The following TNIK variants were observed in gnomAD, a reference collection of about 807,000 sequenced individuals.
TNIK encodes TRAF2 and NCK interacting kinase, also known as TRAF2 and NCK-interacting protein kinase.
Under a neutral mutation model 191.3 loss-of-function variants are expected in TNIK, and 49 were observed. The observed-to-expected ratio is 0.26, with a 90% confidence interval of 0.20 to 0.32. The LOEUF (loss-of-function observed/expected upper bound fraction) is 0.32. Ranked by LOEUF, TNIK falls within the 10% of genes least tolerant of loss-of-function variation. The pLI, the probability that TNIK is intolerant of heterozygous loss-of-function variation, is 1.00. For synonymous variants in TNIK, 594 were observed against 600.9 expected, an observed-to-expected ratio of 0.99 and a Z score of 0.17; for missense variants, 1,155 against 1,702.3, an observed-to-expected ratio of 0.68 and a Z score of 5.66.
At chr3:171,175,049 G>A (rs1480177382) in intron 9 of TNIK, among the ~76,000 whole-genome samples, 1 of 152,120 alleles carries the variant, frequency 6.6e-6, no homozygotes, top group African/African-American at 2.4e-5. Context: ...CTTAAAGGTG[G>A]GGGAATAAAG....
At chr3:171,450,706 C>T (rs1266770142) in intron 1 of TNIK, among the ~76,000 whole-genome samples, 1 of 152,116 alleles carries the variant, frequency 6.6e-6, no homozygotes, top group African/African-American at 2.4e-5. Context: ...TCAGAAGGTG[C>T]CACAACTTAC....
At chr3:171,109,305 G>A (rs1207019904) in intron 19 of TNIK, among the ~76,000 whole-genome samples, 1 of 152,178 alleles carries the variant, frequency 6.6e-6, no homozygotes, top group Non-Finnish European at 1.5e-5. Flanking sequence ...AGGACTACAG[G>A]CGTAAGCCAC....
chr3:171,199,997 C>A (rs1469614310), intron 4 of TNIK, among the ~76,000 whole-genome samples: 1 of 152,196 alleles, frequency 6.6e-6, no homozygotes, highest in Non-Finnish European at 1.5e-5. Flanking sequence ...AGGCACTGGG[C>A]ACATTTTTCT....
intron 22 of TNIK, among the ~76,000 whole-genome samples, chr3:171,100,752 A>T: frequency 6.6e-6 from 1 of 151,802 alleles, no homozygotes; most frequent in African/African-American, 2.4e-5. Flanking sequence ...CCTTGAAAAA[A>T]AAAAAAAAAA....
intron 28 of TNIK, among the ~76,000 whole-genome samples, chr3:171,077,993 T>A (rs1720205974): frequency 6.6e-6 from 1 of 152,180 alleles, no homozygotes; most frequent in African/African-American, 2.4e-5. Flanking sequence ...TATTGTCTTT[T>A]AAGCTTCTAT....
At chr3:171,401,226 C>A (rs1720916036) in intron 1 of TNIK, among the ~76,000 whole-genome samples, 1 of 152,142 alleles carries the variant, frequency 6.6e-6, no homozygotes, top group Non-Finnish European at 1.5e-5. Flanking sequence ...ACTTTGTCTT[C>A]TGGAACCTGA....
intron 5 of TNIK, among the ~76,000 whole-genome samples, chr3:171,193,983 T>C (rs989513079): frequency 4.6e-5 from 7 of 152,190 alleles, no homozygotes; most frequent in African/African-American, 1.7e-4. Context: ...TTGATTAGTT[T>C]AAGTGATTAG....
intron 8 of TNIK, 139 bp downstream of exon 8, chr3:171,177,187 C>T (rs1736069220): frequency 1.4e-6 from 1 of 709,218 alleles, no homozygotes; most frequent in Non-Finnish European, 2.1e-6. Context: ...TAAGATGACT[C>T]TGCTTTCTAA....
intron 2 of TNIK, among the ~76,000 whole-genome samples, chr3:171,234,533 G>A (rs959560380): frequency 3.9e-5 from 6 of 152,120 alleles, no homozygotes; most frequent in Admixed American, 2.6e-4. Flanking sequence ...AAAATGGATT[G>A]CTTTCAAGAC....
At chr3:171,423,673 A>G (rs560058905) in intron 1 of TNIK, among the ~76,000 whole-genome samples, 15 of 152,206 alleles carry the variant, frequency 9.9e-5, no homozygotes, top group Non-Finnish European at 2.1e-4. Flanking sequence ...CTCAGAAATA[A>G]TGCCACATAT....
intron 4 of TNIK, among the ~76,000 whole-genome samples, chr3:171,209,814 T>C (rs1740570183): frequency 6.6e-6 from 1 of 152,224 alleles, no homozygotes; most frequent in South Asian, 2.1e-4. Flanking sequence ...GAAAATCTTG[T>C]TAGTTTTATG....
At chr3:171,264,473 A>T in intron 2 of TNIK, among the ~76,000 whole-genome samples, 1 of 151,944 alleles carries the variant, frequency 6.6e-6, no homozygotes, top group East Asian at 1.9e-4. Context: ...CTCCTGCCTC[A>T]GCCCCCCGAG....
At chr3:171,141,697 C>T (rs1221298101) in intron 12 of TNIK, among the ~76,000 whole-genome samples, 1 of 152,218 alleles carries the variant, frequency 6.6e-6, no homozygotes, top group African/African-American at 2.4e-5. Context: ...ATTACCAAGT[C>T]TTTTCCCATA....
At chr3:171,235,038 C>T (rs1560299858) in intron 2 of TNIK, among the ~76,000 whole-genome samples, 2 of 152,008 alleles carry the variant, frequency 1.3e-5, no homozygotes, top group South Asian at 2.1e-4. Flanking sequence ...TTTATTTATT[C>T]ATTTATTTAT....
intron 2 of TNIK, among the ~76,000 whole-genome samples, chr3:171,237,265 T>C (rs1175327856): frequency 6.6e-6 from 1 of 152,010 alleles, no homozygotes; most frequent in Non-Finnish European, 1.5e-5. Context: ...CAGTTTTAAT[T>C]AAAACAAAAG....
At chr3:171,064,072 G>GT in intron 32 of TNIK, 108 bp from the exon 33 acceptor site, 2 of 986,994 alleles carry the variant, frequency 2.0e-6, no homozygotes, top group Non-Finnish European at 3.0e-6. Context: ...CATGTGTCAG[G>GT]TCTTAAGACT....
intron 12 of TNIK, among the ~76,000 whole-genome samples, chr3:171,150,415 A>G (rs1732280324): frequency 6.6e-6 from 1 of 152,144 alleles, no homozygotes; most frequent in Admixed American, 6.5e-5. Context: ...CCACGTTCTC[A>G]CCCTTTTGGT....
chr3:171,099,593 C>CAA (rs1723169774), intron 22 of TNIK, among the ~76,000 whole-genome samples: 1 of 152,018 alleles, frequency 6.6e-6, no homozygotes, highest in African/African-American at 2.4e-5. Context: ...GAAAAGGAGA[C>CAA]AAAGACCTAA....
chr3:171,125,256 C>T (rs941501679), intron 17 of TNIK, among the ~76,000 whole-genome samples: 7 of 152,186 alleles, frequency 4.6e-5, no homozygotes, highest in Admixed American at 1.3e-4. Context: ...TAGATGCACA[C>T]AGCCACATTC....
Sources: gnomAD v4.1 joint callset for allele counts (sites outside exome capture counted in the v4.1 genomes callset) on GRCh38, gnomAD v4.1.1 for gene constraint, MANE v1.5 for transcripts, NCBI Gene and HGNC (gene_info 2026-07-23, HGNC 2026-07-21) for gene names.